EPHA2: variants seen among roughly 807,000 people sequenced by gnomAD.
EPHA2 encodes the protein ephrin type-A receptor 2.
Under a neutral mutation model 104.9 loss-of-function variants are expected in EPHA2, and 54 were observed. That is an observed-to-expected ratio of 0.51 (90% CI 0.41 to 0.65). The LOEUF is 0.65. Among genes scored for constraint, EPHA2 ranks in the 30% least tolerant of loss-of-function variants. EPHA2 has a pLI of 0.00. For missense variants in EPHA2, 1,117 were observed against 1,369.5 expected, an observed-to-expected ratio of 0.82 and a Z score of 2.91; for synonymous variants, 560 against 559.1, an observed-to-expected ratio of 1.00 and a Z score of -0.02.
chr1:16,139,422 C>T (rs897423173), intron 3 of EPHA2, among the ~76,000 whole-genome samples: 1 of 152,178 alleles, frequency 6.6e-6, no homozygotes, highest in Non-Finnish European at 1.5e-5. Context: ...ACCTCAGCAC[C>T]GTGTTCACCA....
rs762766644 is a variant in EPHA2 at position 16,135,688 on chromosome 1, T to A, written c.1395A>T (p.Arg465=). Residue 465 remains arginine, a synonymous_variant, in exon 6 of 17, where the codon CGA becomes CGT. Coordinates refer to ENST00000358432, the MANE Select transcript of EPHA2 (RefSeq NM_004431.5). This position sits in a 1 kb window ranked among gnomAD's most constrained non-coding sequence, Gnocchi z 4.3. ...SWSIPPPQQS[R]VWKYEVTYRK... ...GGTAAGTGACCTCGTACTTCCACAC[T>A]CGGCTCTGCTGCGGCGGGGGGATGC... The A allele has an allele frequency of 1.2e-6, 2 of 1,613,744 alleles. No individual in the cohort carries two copies. The highest frequency in any genetic ancestry group is 1.7e-6 in the Non-Finnish European group (2 of 1,180,002).
intron 16 of EPHA2, among the ~76,000 whole-genome samples, chr1:16,126,565 CT>C (rs2124185906): frequency 6.6e-6 from 1 of 152,302 alleles, no homozygotes; most frequent in East Asian, 1.9e-4. Flanking sequence ...TTTGGGAGAA[CT>C]TCCTACGCTA....
In EPHA2 at chr1:16,130,470, C is replaced by A; in HGVS notation, c.2476-51G>T. 1 of 1,502,604 alleles carries A rather than the reference C, an allele frequency of 6.7e-7. No individual in the cohort carries two copies. The highest frequency in any genetic ancestry group is 1.4e-5 in the South Asian group (1 of 73,808). 93.1% of individuals were successfully genotyped at this position (1,502,604 alleles called of 1,614,324 possible). On this transcript the variant is annotated intron_variant, in intron 14 of 16. Coordinates refer to ENST00000358432, the MANE Select transcript of EPHA2 (RefSeq NM_004431.5). This position sits in a 1 kb window ranked among gnomAD's most constrained non-coding sequence, Gnocchi z 4.5. Reference sequence around the variant, plus strand: ...GCTGTTGCAGAAAGCCACTGAAACCCTCTGCAGCCTCCAGCCTATGGAGGT... The same window carrying A: ...GCTGTTGCAGAAAGCCACTGAAACCATCTGCAGCCTCCAGCCTATGGAGGT...
chr1:16,131,868 G>T lies in EPHA2; in HGVS notation c.2328C>A (p.Gly776=), dbSNP rs757876769. Residue 776 remains glycine (G), a splice_region_variant and synonymous_variant, in exon 14 of 17, where the codon GGC becomes GGA. Transcript: ENST00000358432. The surrounding 1 kb of genome is among the most constrained non-coding windows in gnomAD (Gnocchi z 5.2). ...CGGTCCAGCGGATGGGGATCTTGCC[G>T]CCCTGCAGGGAACCCAGGCCCAGTC... The part of the protein sequence containing the change: ...DDPEATYTTS[G]GKIPIRWTAP... The T allele has an allele frequency of 1.9e-6, 3 of 1,613,528 alleles. No homozygotes were observed. Among genetic ancestry groups the T allele is most frequent in the Admixed American group, 1.7e-5 (1 of 59,978 alleles).
intron 1 of EPHA2, among the ~76,000 whole-genome samples, chr1:16,151,609 A>G (rs1330466087): frequency 6.6e-6 from 1 of 152,136 alleles, no homozygotes; most frequent in Non-Finnish European, 1.5e-5. Flanking sequence ...TCACCACAAA[A>G]GCCACAGAGC....
chr1:16,133,948 G>A (rs1470534785), intron 8 of EPHA2, 33 bp from the exon 9 acceptor site: 3 of 1,548,642 alleles, frequency 1.9e-6, no homozygotes, highest in South Asian at 1.2e-5. Context: ...CAAATGCAGG[G>A]AGGTCAGTGA....
intron 5 of EPHA2, among the ~76,000 whole-genome samples, chr1:16,136,349 G>A (rs1392182375): frequency 6.9e-6 from 1 of 144,880 alleles, no homozygotes; most frequent in Non-Finnish European, 1.5e-5. Context: ...GCCAGGTGTG[G>A]TGGTTCACCC....
intron 1 of EPHA2, among the ~76,000 whole-genome samples, chr1:16,153,685 C>T (rs1459197154): frequency 1.3e-5 from 2 of 152,202 alleles, no homozygotes; most frequent in Non-Finnish European, 2.9e-5. Context: ...AAAATGAGGG[C>T]AGATTCAGTG....
At chr1:16,147,153 G>A (rs1217738728) in intron 3 of EPHA2, among the ~76,000 whole-genome samples, 3 of 152,192 alleles carry the variant, frequency 2.0e-5, no homozygotes, top group Admixed American at 6.5e-5. Flanking sequence ...GCCACACCAC[G>A]CCACGGCTTC....
At chr1:16,126,961 A>C (rs1171227768) in intron 16 of EPHA2, among the ~76,000 whole-genome samples, 1 of 152,128 alleles carries the variant, frequency 6.6e-6, no homozygotes. Context: ...GCATGAATGC[A>C]TGAGCGAATG....
rs1053399895 is a variant in EPHA2, at chr1:16,138,491, TG to T, written c.824-62del. On this transcript the variant is annotated intron_variant, in intron 3 of 16. Transcript: ENST00000358432. ...CAGTTCAATCTGCTTCCACCCCACG[TG>T]ACTGTCTCATTCCCTCACCAGGGAC... 1.2e-5 allele frequency: 20 copies of T among 1,609,742 alleles called. No homozygotes were observed. The African/African-American group carries it at 2.5e-4, about 20-fold the overall frequency.
rs868431137 is a variant in EPHA2, at chr1:16,131,189, G to C, written c.2475+532C>G. ...ATGCACACACATGCATGGACACACGGATACACACGTACACCCCACTCCTTT... is the reference window on the plus strand; with the variant it reads ...ATGCACACACATGCATGGACACACGCATACACACGTACACCCCACTCCTTT... On this transcript the variant is annotated intron_variant, in intron 14 of 16. Coordinates refer to ENST00000358432, the MANE Select transcript of EPHA2 (RefSeq NM_004431.5). The surrounding 1 kb of genome is among the most constrained non-coding windows in gnomAD (Gnocchi z 5.2). Among the ~76,000 whole-genome samples the C allele has an allele frequency of 3.9e-5, 6 of 151,966 alleles. No individual in the cohort carries two copies. Among genetic ancestry groups the C allele is most frequent in the African/African-American group, 1.5e-4 (6 of 41,378 alleles).
chr1:16,128,601 C>A lies in EPHA2; in HGVS notation c.2825+833G>T, dbSNP rs1012693818. 4.6e-5 allele frequency among the ~76,000 whole-genome samples: 7 copies of A among 152,224 alleles called. No individual in the cohort carries two copies. Among genetic ancestry groups the A allele is most frequent in the African/African-American group, 1.7e-4 (7 of 41,448 alleles). The stretch of plus-strand genomic sequence containing the variant: ...GCACAAGCTGGGTTGTTGAAACTGG[C>A]CACTATTTTTAGAGGCACAAAAGGC... On this transcript the variant is annotated intron_variant, in intron 16 of 16. Coordinates refer to ENST00000358432, the MANE Select transcript of EPHA2 (RefSeq NM_004431.5). The surrounding 1 kb of genome is among the most constrained non-coding windows in gnomAD (Gnocchi z 4.7).
At chr1:16,127,009 TCTGGTCCCTCTTGCAAATG>T (rs1404908168) in intron 16 of EPHA2, among the ~76,000 whole-genome samples, 1 of 152,152 alleles carries the variant, frequency 6.6e-6, no homozygotes, top group Non-Finnish European at 1.5e-5. Context: ...CTGGGCCACC[TCTGGTCCCTCTTGCAAATG>T]GTAGTGGTTA....
Position 16,150,115 on chromosome 1 carries a change from C to A in EPHA2, c.153+781G>T, listed in dbSNP as rs965686616. ...ACACCCCAGCCAAGCCTGCCCAGAGCTAGGGTGACCGGGGACAAGAACTCG... is the reference window on the plus strand; with the variant it reads ...ACACCCCAGCCAAGCCTGCCCAGAGATAGGGTGACCGGGGACAAGAACTCG... On this transcript the variant is annotated intron_variant, in intron 2 of 16. Coordinates refer to ENST00000358432, the MANE Select transcript of EPHA2 (RefSeq NM_004431.5). The surrounding 1 kb of genome is among the most constrained non-coding windows in gnomAD (Gnocchi z 4.8). Among the ~76,000 whole-genome samples, 4 of 152,158 alleles carry A rather than the reference C, an allele frequency of 2.6e-5. No individual in the cohort carries two copies. The highest frequency in any genetic ancestry group is 9.7e-5 in the African/African-American group (4 of 41,430).
In EPHA2 at chr1:16,135,165, G is replaced by A. The variant is rs370741075; in HGVS notation, c.1453C>T (p.Arg485Cys). The change falls in exon 7 of 17, where the codon CGC becomes TGC. Residue 485 changes from arginine to cysteine, a missense_variant. Transcript: ENST00000358432. The surrounding 1 kb of genome is among the most constrained non-coding windows in gnomAD (Gnocchi z 4.3). Reference protein sequence around the residue: ...KKGDSNSYNVRRTEGFSVTLD... With the variant: ...KKGDSNSYNVCRTEGFSVTLD... ...GTCACGGAGAAACCCTCGGTGCGGC[G>A]CACATTGTAGCTGTTGGAGTCTCCC... The A allele has an allele frequency of 4.6e-5, 74 of 1,613,812 alleles. No individual in the cohort carries two copies. Among genetic ancestry groups the A allele is most frequent in the Non-Finnish European group, 5.9e-5 (70 of 1,179,982 alleles).
rs369025865 is a variant in EPHA2, at chr1:16,125,219, A to G, written c.2927T>C (p.Ile976Thr). The change falls in exon 17 of 17, where the codon ATC (isoleucine) becomes ACC (threonine). Residue 976 changes from isoleucine to threonine, a missense_variant. Coordinates refer to ENST00000358432, the MANE Select transcript of EPHA2 (RefSeq NM_004431.5). This position sits in a 1 kb window ranked among gnomAD's most constrained non-coding sequence, Gnocchi z 4.9. ...GGCTCCAGGCCCTGTCGAGGCTCAGATGGGGATCCCCACAGTGTTCACCTG... is the reference window on the plus strand; with the variant it reads ...GGCTCCAGGCCCTGTCGAGGCTCAGGTGGGGATCCCCACAGTGTTCACCTG... ...KDQVNTVGIP[I>T] The G allele has an allele frequency of 3.5e-5, 56 of 1,613,634 alleles. No individual in the cohort carries two copies. The highest frequency in any genetic ancestry group is 4.7e-5 in the Non-Finnish European group (56 of 1,179,882).
At chr1:16,153,270 A>G in intron 1 of EPHA2, 1 of 985,278 alleles carries the variant, frequency 1.0e-6, no homozygotes, top group East Asian at 1.1e-4. Flanking sequence ...CCTTCTCCGC[A>G]GCCTCCGAGG....
intron 16 of EPHA2, among the ~76,000 whole-genome samples, chr1:16,127,797 T>C (rs557478560): frequency 1.8e-4 from 27 of 152,210 alleles, no homozygotes; most frequent in African/African-American, 6.5e-4. Context: ...TCCAGGCCCT[T>C]TCACAACAAC....
Sources: gnomAD v4.1 joint callset for allele counts (sites outside exome capture counted in the v4.1 genomes callset) on GRCh38, gnomAD v4.1.1 for gene constraint, Gnocchi (gnomAD v3.1) non-coding constraint, MANE v1.5 for transcripts, NCBI Gene and HGNC (gene_info 2026-07-23, HGNC 2026-07-21) for gene names.